GPC6: variants seen among roughly 807,000 people sequenced by gnomAD.
GPC6 encodes glypican 6, also known as glypican-6.
Under a neutral mutation model 55.2 loss-of-function variants are expected in GPC6, and 14 were observed. The ratio of observed to expected loss-of-function variants is 0.25; its 90% CI spans 0.17 to 0.40. The LOEUF (loss-of-function observed/expected upper bound fraction) is 0.40. GPC6 is among the 10% of genes least tolerant of loss of function. The probability of loss-of-function intolerance (pLI) is 1.00; values close to 1 mark genes in which losing one functional copy is unlikely to be tolerated. For synonymous variants in GPC6, 278 were observed against 259.6 expected (o/e 1.07, Z -0.68); for missense variants, 641 against 708.5 (o/e 0.90, Z 1.08).
chr13:93,381,352 G>A (rs1192958808), intron 1 of GPC6, among the ~76,000 whole-genome samples: 1 of 152,064 alleles, frequency 6.6e-6, no homozygotes, highest in Admixed American at 6.6e-5. Flanking sequence ...AGTTGTTTAT[G>A]ATGCTATCGA....
At chr13:93,940,834 C>T (rs1299645671) in intron 3 of GPC6, among the ~76,000 whole-genome samples, 1 of 151,996 alleles carries the variant, frequency 6.6e-6, no homozygotes, top group Non-Finnish European at 1.5e-5. Context: ...TAAGAAGATG[C>T]CTGAGATTTG....
At chr13:93,221,758 A>C in the GPC6 span, among the ~76,000 whole-genome samples, 2 of 152,126 alleles carry the variant, frequency 1.3e-5, no homozygotes, top group African/African-American at 4.8e-5. Flanking sequence ...CTGTTGTTAA[A>C]TTTCTGACAG....
intron 3 of GPC6, among the ~76,000 whole-genome samples, chr13:93,944,345 A>G (rs1225562657): frequency 6.6e-6 from 1 of 151,962 alleles, no homozygotes; most frequent in Non-Finnish European, 1.5e-5. Context: ...TTGGGACTAC[A>G]GGCGCCCGCC....
intron 3 of GPC6, among the ~76,000 whole-genome samples, chr13:93,902,977 A>C (rs1488216263): frequency 6.6e-6 from 1 of 152,210 alleles, no homozygotes; most frequent in Non-Finnish European, 1.5e-5. Context: ...CATACAATGG[A>C]GAAAGGACAG....
intron 1 of GPC6, among the ~76,000 whole-genome samples, chr13:93,533,763 T>G (rs2139416698): frequency 6.6e-6 from 1 of 152,250 alleles, no homozygotes; most frequent in Admixed American, 6.5e-5. Flanking sequence ...GAACTATTTC[T>G]TCTTCTTGAA....
chr13:93,927,917 G>A (rs920947023), intron 3 of GPC6, among the ~76,000 whole-genome samples: 2 of 152,048 alleles, frequency 1.3e-5, no homozygotes, highest in African/African-American at 2.4e-5. Context: ...ACTGAAAATC[G>A]AGGGGATGAA....
Position 93,707,672 on chromosome 13 carries a change from A to G in GPC6, c.320-122482A>G, listed in dbSNP as rs1054677769. On this transcript the variant is annotated intron_variant, in intron 2 of 8. Transcript: ENST00000377047. ...TAACACTAATGAAAGAAAGATAGCT[A>G]GCATCTTATAGTGGAGACCTTTCTT... 1.1e-4 allele frequency among the ~76,000 whole-genome samples: 16 copies of G among 151,776 alleles called. 2 individuals carry two copies. The highest frequency in any genetic ancestry group is 7.4e-5 in the Non-Finnish European group (5 of 67,862).
chr13:93,332,036 T>C (rs1217652048), intron 1 of GPC6, among the ~76,000 whole-genome samples: 2 of 152,094 alleles, frequency 1.3e-5, no homozygotes, highest in Non-Finnish European at 2.9e-5. Context: ...ATGACATGAG[T>C]TCATTCTTTT....
At chr13:93,566,667 C>T (rs906947191) in intron 2 of GPC6, among the ~76,000 whole-genome samples, 8 of 150,954 alleles carry the variant, frequency 5.3e-5, no homozygotes, top group African/African-American at 2.5e-5. Flanking sequence ...CTGCAACCAT[C>T]AACCCGTCAT....
chr13:93,839,468 A>G (rs750918840), intron 3 of GPC6, among the ~76,000 whole-genome samples: 7 of 152,104 alleles, frequency 4.6e-5, no homozygotes, highest in Non-Finnish European at 1.0e-4. Flanking sequence ...AGGTCATGAT[A>G]TATTGGTTTT....
intron 1 of GPC6, among the ~76,000 whole-genome samples, chr13:93,495,304 A>G (rs868276784): frequency 6.6e-5 from 10 of 150,758 alleles, no homozygotes; most frequent in Middle Eastern, 6.8e-3. Context: ...CCTTTCCTCC[A>G]GTTGATCGCA....
intron 3 of GPC6, among the ~76,000 whole-genome samples, chr13:93,999,678 A>C (rs1175395458): frequency 6.6e-6 from 1 of 152,100 alleles, no homozygotes; most frequent in Non-Finnish European, 1.5e-5. Context: ...TTTTTTGTTC[A>C]TCAGTTGATG....
chr13:93,382,656 A>C (rs533004160), intron 1 of GPC6, among the ~76,000 whole-genome samples: 2 of 152,306 alleles, frequency 1.3e-5, no homozygotes, highest in East Asian at 3.9e-4. Flanking sequence ...AAAGACATAA[A>C]AGGTGCTGTG....
At chr13:94,347,423 A>G (rs2139164081) in intron 6 of GPC6, among the ~76,000 whole-genome samples, 1 of 152,310 alleles carries the variant, frequency 6.6e-6, no homozygotes, top group African/African-American at 2.4e-5. Flanking sequence ...ATGTGCTTTG[A>G]TGGAGTATGA....
At chr13:93,262,857 A>G (rs1197379955) in intron 1 of GPC6, among the ~76,000 whole-genome samples, 1 of 152,192 alleles carries the variant, frequency 6.6e-6, no homozygotes, top group South Asian at 2.1e-4. Context: ...CATTGCAAGA[A>G]GGAGTTCAGG....
At chr13:93,627,337 C>T (rs1306796378) in intron 2 of GPC6, among the ~76,000 whole-genome samples, 1 of 152,122 alleles carries the variant, frequency 6.6e-6, no homozygotes, top group Non-Finnish European at 1.5e-5. Flanking sequence ...ATGAACTCAT[C>T]CTTTTTTATG....
At chr13:93,669,397 C>G (rs1198019029) in intron 2 of GPC6, among the ~76,000 whole-genome samples, 2 of 152,156 alleles carry the variant, frequency 1.3e-5, no homozygotes, top group African/African-American at 4.8e-5. Context: ...AGCAGCTTCC[C>G]TAAGTTCACT....
chr13:93,616,877 T>C (rs1307092074), intron 2 of GPC6, among the ~76,000 whole-genome samples: 1 of 152,104 alleles, frequency 6.6e-6, no homozygotes, highest in Non-Finnish European at 1.5e-5. Context: ...AAAATGCCTA[T>C]GATATCCTCT....
intron 4 of GPC6, among the ~76,000 whole-genome samples, chr13:94,203,923 G>A (rs1047053123): frequency 1.3e-5 from 2 of 151,874 alleles, no homozygotes; most frequent in Non-Finnish European, 2.9e-5. Context: ...TTCTGTCACT[G>A]GTGTATCTGG....
Sources: gnomAD v4.1 joint callset for allele counts (sites outside exome capture counted in the v4.1 genomes callset) on GRCh38, gnomAD v4.1.1 for gene constraint, MANE v1.5 for transcripts, NCBI Gene and HGNC (gene_info 2026-07-23, HGNC 2026-07-21) for gene names.